EFNA2: variants seen among roughly 807,000 people sequenced by gnomAD.
EFNA2 encodes the protein ephrin A2.
In EFNA2, 18 loss-of-function variants were observed where a neutral mutation model predicts 19.7. The ratio of observed to expected loss-of-function variants is 0.91; its 90% CI spans 0.63 to 1.35. The LOEUF is 1.35. EFNA2 is among the 40% of genes most tolerant of loss of function. EFNA2 has a pLI of 0.00. For missense variants in EFNA2, 303 were observed against 296.0 expected, an observed-to-expected ratio of 1.02 and a Z score of -0.17; for synonymous variants, 187 against 137.8, an observed-to-expected ratio of 1.36 and a Z score of -2.50.
intron 1 of EFNA2, among the ~76,000 whole-genome samples, chr19:1,288,061 A>G (rs1486534292): frequency 6.6e-6 from 1 of 152,210 alleles, no homozygotes; most frequent in Admixed American, 6.5e-5. Context: ...CCGCTGCCTG[A>G]GGGAACGGCC....
rs1301670677 is a variant in EFNA2, at chr19:1,285,884, C to T, written c.-285C>T. Among the ~76,000 whole-genome samples, 1 of 146,290 alleles carries T rather than the reference C, an allele frequency of 6.8e-6. No individual in the cohort carries two copies. Among genetic ancestry groups the T allele is most frequent in the Non-Finnish European group, 1.5e-5 (1 of 65,812 alleles). On this transcript the variant is annotated 5_prime_UTR_variant, in exon 1 of 4. Coordinates refer to ENST00000215368, the MANE Select transcript of EFNA2 (RefSeq NM_001405.4). The surrounding 1 kb of genome is among the most constrained non-coding windows in gnomAD (Gnocchi z 4.1). ...GCGGGACAAAGGCCGGAGCCCGGGC[C>T]CCTCCCCGGCGGGTGCGGCGGCGGC...
Position 1,295,448 on chromosome 19 carries a change from G to C in EFNA2, c.141-97G>C, listed in dbSNP as rs1600059492. 3.2e-6 allele frequency: 4 copies of C among 1,266,516 alleles called. No individual in the cohort carries two copies. Among genetic ancestry groups the C allele is most frequent in the Non-Finnish European group, 4.1e-6 (4 of 966,414 alleles). The allele number at this position is 1,266,516 out of a possible 1,614,324, so 78.5% of individuals were successfully genotyped here. ...CGCCGCGCACCCCGACCCGTCCCTCGTGCTCCTGTCCCCTGACCCTGGCCC... is the reference window on the plus strand; with the variant it reads ...CGCCGCGCACCCCGACCCGTCCCTCCTGCTCCTGTCCCCTGACCCTGGCCC... On this transcript the variant is annotated intron_variant, in intron 1 of 3. Transcript: ENST00000215368. This position sits in a 1 kb window ranked among gnomAD's most constrained non-coding sequence, Gnocchi z 5.8.
chr19:1,300,207 C>A lies in EFNA2; in HGVS notation c.*262C>A. ...GCGGACCGTGGCCAGGCCATCTCCT[C>A]TGGGGCGTCGGAGAACCCGGGAACC... On this transcript the variant is annotated 3_prime_UTR_variant, in exon 4 of 4. Transcript: ENST00000215368. The A allele has an allele frequency of 3.9e-6, 1 of 255,464 alleles. No individual in the cohort carries two copies. The highest frequency in any genetic ancestry group is 7.0e-6 in the Non-Finnish European group (1 of 143,624). 15.8% of individuals were successfully genotyped at this position (255,464 alleles called of 1,614,324 possible). A position where few individuals can be genotyped will look rare whatever the true frequency, so the allele number is the denominator to read the frequency against.
rs1372474420 is a variant in EFNA2 at position 1,294,577 on chromosome 19, G to T, written c.141-968G>T. 3.3e-5 allele frequency among the ~76,000 whole-genome samples: 5 copies of T among 151,990 alleles called. No homozygotes were observed. Among genetic ancestry groups the T allele is most frequent in the Non-Finnish European group, 7.4e-5 (5 of 67,998 alleles). Reference sequence around the variant, plus strand: ...GATGTGAGAGGGTGGTATGGGGCTCGCAGGGTCACACAGGAAGGCAGGGGT... The same window carrying T: ...GATGTGAGAGGGTGGTATGGGGCTCTCAGGGTCACACAGGAAGGCAGGGGT... On this transcript the variant is annotated intron_variant, in intron 1 of 3. Coordinates refer to ENST00000215368, the MANE Select transcript of EFNA2 (RefSeq NM_001405.4). This position sits in a 1 kb window ranked among gnomAD's most constrained non-coding sequence, Gnocchi z 5.8.
intron 3 of EFNA2, among the ~76,000 whole-genome samples, chr19:1,299,415 G>T (rs2081529930): frequency 6.6e-6 from 1 of 151,818 alleles, no homozygotes; most frequent in South Asian, 2.1e-4. Context: ...AATTAGCCGG[G>T]CGTGGTGGCA....
At position 1,295,486 on chromosome 19, in the gene EFNA2, C is replaced by G. The variant is rs2081509674; in HGVS notation, c.141-59C>G. 6.9e-7 allele frequency: 1 copy of G among 1,458,242 alleles called. No individual in the cohort carries two copies. The highest frequency in any genetic ancestry group is 2.6e-5 in the East Asian group (1 of 38,406). The allele number at this position is 1,458,242 out of a possible 1,614,324, so 90.3% of individuals were successfully genotyped here. A position where few individuals can be genotyped will look rare whatever the true frequency, so the allele number is the denominator to read the frequency against. Reference sequence around the variant, plus strand: ...CTGACCCTGGCCCTCCCCGCGCACCCCGACCCGTGCCCCGTTCCTCGCTCC... The same window carrying G: ...CTGACCCTGGCCCTCCCCGCGCACCGCGACCCGTGCCCCGTTCCTCGCTCC... On this transcript the variant is annotated intron_variant, in intron 1 of 3. Transcript: ENST00000215368. This position sits in a 1 kb window ranked among gnomAD's most constrained non-coding sequence, Gnocchi z 5.8.
chr19:1,293,368 G>A (rs917954801), intron 1 of EFNA2, among the ~76,000 whole-genome samples: 4 of 152,382 alleles, frequency 2.6e-5, no homozygotes, highest in South Asian at 2.1e-4. Context: ...GGCCAATGGG[G>A]CAGCCTGAGG....
At chr19:1,298,742 C>T in intron 3 of EFNA2, 126 bp downstream of exon 3, 1 of 1,038,196 alleles carries the variant, frequency 9.6e-7, no homozygotes, top group Non-Finnish European at 1.4e-6. Context: ...CCCTGCCTTG[C>T]CCCAGCCTCG....
In EFNA2 at chr19:1,296,949, G is replaced by A. The variant is rs1324996501; in HGVS notation, c.454+1091G>A. On this transcript the variant is annotated intron_variant, in intron 2 of 3. Transcript: ENST00000215368. The surrounding 1 kb of genome is among the most constrained non-coding windows in gnomAD (Gnocchi z 4.4). ...AGCTGGCCTTTTTGTCCCTACGAAA[G>A]GCCAACGGCAGGTGGGGAACACAGC... Among the ~76,000 whole-genome samples the A allele has an allele frequency of 6.6e-6, 1 of 152,250 alleles. No individual in the cohort carries two copies. The highest frequency in any genetic ancestry group is 1.5e-5 in the Non-Finnish European group (1 of 68,046).
chr19:1,298,501 T>C (rs1435769248), intron 2 of EFNA2, 50 bp from the exon 3 acceptor site: 2 of 1,598,478 alleles, frequency 1.3e-6, no homozygotes, highest in African/African-American at 2.7e-5. Flanking sequence ...CCAGGAGGTC[T>C]CAGGCACCAA....
upstream of EFNA2, among the ~76,000 whole-genome samples, chr19:1,285,735 G>A (rs2144608667): frequency 6.6e-6 from 1 of 150,980 alleles, no homozygotes; most frequent in East Asian, 2.0e-4. This position sits in a 1 kb window ranked among gnomAD's most constrained non-coding sequence, Gnocchi z 4.1. Context: ...GGCAGGCCCC[G>A]GGGGACGAGC....
Position 1,286,356 on chromosome 19 carries a change from C to T in EFNA2, c.140+48C>T, listed in dbSNP as rs1487756166. 2.1e-6 allele frequency: 2 copies of T among 966,404 alleles called. No homozygotes were observed. Among genetic ancestry groups the T allele is most frequent in the Admixed American group, 6.3e-5 (1 of 15,896 alleles). The allele number at this position is 966,404 out of a possible 1,614,324, so 59.9% of individuals were successfully genotyped here. On this transcript the variant is annotated intron_variant, in intron 1 of 3. Coordinates refer to ENST00000215368, the MANE Select transcript of EFNA2 (RefSeq NM_001405.4). This position sits in a 1 kb window ranked among gnomAD's most constrained non-coding sequence, Gnocchi z 5.6. ...GGCGCCCGGGGACCCCCCAACGCCCCCCAAGCCGCGCCCGGCCTCGCGCCC... is the reference window on the plus strand; with the variant it reads ...GGCGCCCGGGGACCCCCCAACGCCCTCCAAGCCGCGCCCGGCCTCGCGCCC...
chr19:1,285,268 C>T (rs548488129), upstream of EFNA2, among the ~76,000 whole-genome samples: 569 of 152,332 alleles, frequency 3.7e-3, no homozygotes, highest in Non-Finnish European at 6.5e-3. This position sits in a 1 kb window ranked among gnomAD's most constrained non-coding sequence, Gnocchi z 4.1. Flanking sequence ...GATTTGCTGT[C>T]GGCCGGGGCT....
At chr19:1,288,128 C>A (rs1298126167) in intron 1 of EFNA2, among the ~76,000 whole-genome samples, 1 of 152,270 alleles carries the variant, frequency 6.6e-6, no homozygotes, top group African/African-American at 2.4e-5. Context: ...CCTTCCTCTC[C>A]TGCCTGCGGT....
At chr19:1,285,077 G>C (rs1188640007), upstream of EFNA2, among the ~76,000 whole-genome samples, 1 of 152,216 alleles carries the variant, frequency 6.6e-6, no homozygotes, top group East Asian at 1.9e-4. This position sits in a 1 kb window ranked among gnomAD's most constrained non-coding sequence, Gnocchi z 4.1. Flanking sequence ...GCCAGACACT[G>C]TCTCTATAGA....
chr19:1,295,414 C>G lies in EFNA2; in HGVS notation c.141-131C>G. 2.1e-6 allele frequency: 2 copies of G among 969,028 alleles called. No homozygotes were observed. Among genetic ancestry groups the G allele is most frequent in the South Asian group, 1.9e-5 (1 of 53,924 alleles). The allele number at this position is 969,028 out of a possible 1,614,324, so 60.0% of individuals were successfully genotyped here. A position where few individuals can be genotyped will look rare whatever the true frequency, so the allele number is the denominator to read the frequency against. ...CTGACCCGTCCCCCGTGCTCCTGAC[C>G]CCGGCCCTCGCCGCGCACCCCGACC... On this transcript the variant is annotated intron_variant, in intron 1 of 3. Transcript: ENST00000215368. This position sits in a 1 kb window ranked among gnomAD's most constrained non-coding sequence, Gnocchi z 5.8.
chr19:1,288,356 G>A (rs954422012), intron 1 of EFNA2, among the ~76,000 whole-genome samples: 6 of 152,282 alleles, frequency 3.9e-5, no homozygotes, highest in African/African-American at 1.2e-4. Context: ...CTGGGCCTCC[G>A]TATCCAAGGG....
In EFNA2 at chr19:1,295,912, G is replaced by A; in HGVS notation, c.454+54G>A. The A allele has an allele frequency of 6.7e-7, 1 of 1,487,136 alleles. No individual in the cohort carries two copies. The highest frequency in any genetic ancestry group is 8.9e-7 in the Non-Finnish European group (1 of 1,118,258). The allele number at this position is 1,487,136 out of a possible 1,614,324, so 92.1% of individuals were successfully genotyped here. A position where few individuals can be genotyped will look rare whatever the true frequency, so the allele number is the denominator to read the frequency against. ...GGCCCGAGTGGGCGGGGACGCGGGG[G>A]CGGGGCCAGGAAGTGGGCGGGACCA... is the stretch of plus-strand genomic sequence containing the variant. On this transcript the variant is annotated intron_variant, in intron 2 of 3. Transcript: ENST00000215368. This position sits in a 1 kb window ranked among gnomAD's most constrained non-coding sequence, Gnocchi z 5.8.
Position 1,286,647 on chromosome 19 carries a change from TG to T in EFNA2, c.140+345del, listed in dbSNP as rs1322107445. 1.3e-5 allele frequency among the ~76,000 whole-genome samples: 2 copies of T among 152,066 alleles called. No homozygotes were observed. The highest frequency in any genetic ancestry group is 4.8e-5 in the African/African-American group (2 of 41,418). ...AGCCCCTGAGTTGCCTGCCTGGACT[TG>T]GGGGGACCCCTGATCCACCCGCTTC... On this transcript the variant is annotated intron_variant, in intron 1 of 3. Coordinates refer to ENST00000215368, the MANE Select transcript of EFNA2 (RefSeq NM_001405.4). The surrounding 1 kb of genome is among the most constrained non-coding windows in gnomAD (Gnocchi z 5.6).
Sources: allele counts gnomAD v4.1 joint callset (sites outside exome capture counted in the v4.1 genomes callset), GRCh38; gene constraint gnomAD v4.1.1; non-coding constraint Gnocchi (gnomAD v3.1); transcripts MANE v1.5; gene names NCBI Gene and HGNC (gene_info 2026-07-23, HGNC 2026-07-21).